The following CTNNA2 variants were observed in gnomAD, a reference collection of about 807,000 sequenced individuals.
CTNNA2 encodes the protein catenin alpha 2.
In CTNNA2, 42 loss-of-function variants were observed where a neutral mutation model predicts 101.0. That is an observed-to-expected ratio of 0.42 (90% CI 0.32 to 0.54). CTNNA2 has a LOEUF of 0.54. CTNNA2 is among the 20% of genes least tolerant of loss of function. CTNNA2 has a pLI of 0.14. For synonymous variants in CTNNA2, 450 were observed against 456.4 expected (o/e 0.99, Z 0.18); for missense variants, 871 against 1,223.1 (o/e 0.71, Z 4.29).
chr2:79,519,814 A>G (rs2103866423), intron 1 of CTNNA2, among the ~76,000 whole-genome samples: 1 of 152,058 alleles, frequency 6.6e-6, no homozygotes, highest in South Asian at 2.1e-4. Flanking sequence ...CCTCTCTTTC[A>G]TTTTGAAACT....
rs1180386298 is a variant in CTNNA2, at chr2:79,841,241, TAAACTC to T, written c.299-16769_299-16764del. 2.0e-5 allele frequency among the ~76,000 whole-genome samples: 3 copies of T among 152,308 alleles called. No homozygotes were observed. In the South Asian group the frequency reaches 6.2e-4, roughly 32 times the overall value. On this transcript the variant is annotated intron_variant, in intron 3 of 18. Transcript: ENST00000402739. Reference sequence around the variant, plus strand: ...AGAAAACAGTATCAGAACTGGGACTTAAACTCAAGAAATCTGAGTCCTACTTTTTTA... The same window carrying T: ...AGAAAACAGTATCAGAACTGGGACTTAAGAAATCTGAGTCCTACTTTTTTA...
intron 1 of CTNNA2, among the ~76,000 whole-genome samples, chr2:79,544,756 G>A (rs1478267477): frequency 1.3e-5 from 2 of 152,128 alleles, no homozygotes; most frequent in African/African-American, 4.8e-5. Context: ...TGCTTAGCAG[G>A]TATTTAGAGC....
At chr2:79,634,461 C>A (rs1044045880) in intron 1 of CTNNA2, 1 of 152,144 alleles carries the variant, frequency 6.6e-6, no homozygotes, top group Non-Finnish European at 1.5e-5. Context: ...GGTTCAATTT[C>A]GAAGGGGCTG....
intron 2 of CTNNA2, among the ~76,000 whole-genome samples, chr2:79,279,574 A>T (rs1001528838): frequency 6.6e-6 from 1 of 152,158 alleles, no homozygotes; most frequent in Non-Finnish European, 1.5e-5. Flanking sequence ...TGACACTAGG[A>T]AAAAGATCTT....
At chr2:79,299,678 G>A (rs2104389233) in intron 2 of CTNNA2, among the ~76,000 whole-genome samples, 1 of 152,138 alleles carries the variant, frequency 6.6e-6, no homozygotes, top group Non-Finnish European at 1.5e-5. Context: ...CACAGCAATA[G>A]GTATACAAGG....
At chr2:79,323,840 C>G (rs763640659) in intron 3 of CTNNA2, among the ~76,000 whole-genome samples, 13 of 152,114 alleles carry the variant, frequency 8.5e-5, no homozygotes, top group Non-Finnish European at 1.6e-4. Context: ...GTTTTCTTTT[C>G]TTCTTCTTAC....
intron 2 of CTNNA2, among the ~76,000 whole-genome samples, chr2:79,257,814 A>C (rs1326212389): frequency 1.3e-5 from 2 of 148,212 alleles, no homozygotes; most frequent in African/African-American, 4.9e-5. Context: ...AAAAAAAAAA[A>C]AGAAGAAGAA....
intron 7 of CTNNA2, among the ~76,000 whole-genome samples, chr2:80,391,469 C>G (rs1482191234): frequency 6.6e-6 from 1 of 152,174 alleles, no homozygotes; most frequent in East Asian, 1.9e-4. Context: ...TTCAACTAAA[C>G]TCATAACTTT....
chr2:80,293,857 G>T (rs956967701), intron 7 of CTNNA2, among the ~76,000 whole-genome samples: 14 of 152,166 alleles, frequency 9.2e-5, no homozygotes, highest in Admixed American at 9.2e-4. Flanking sequence ...TGTCTCTTGG[G>T]TGTCGTGGAG....
At chr2:80,401,034 A>G (rs1678501839) in intron 8 of CTNNA2, among the ~76,000 whole-genome samples, 1 of 152,364 alleles carries the variant, frequency 6.6e-6, no homozygotes, top group African/African-American at 2.4e-5. Context: ...GGCTTAGCTT[A>G]AATGTCACCT....
intron 7 of CTNNA2, among the ~76,000 whole-genome samples, chr2:79,961,943 C>G (rs1309210734): frequency 6.6e-6 from 1 of 151,988 alleles, no homozygotes; most frequent in East Asian, 1.9e-4. Flanking sequence ...AGATAAGTGA[C>G]CTGAAGTCTC....
intron 3 of CTNNA2, among the ~76,000 whole-genome samples, chr2:79,750,195 GT>G (rs1359696594): frequency 6.6e-6 from 1 of 152,144 alleles, no homozygotes; most frequent in African/African-American, 2.4e-5. Context: ...ATTCCAGAAC[GT>G]TTTCAGTGTT....
intron 7 of CTNNA2, among the ~76,000 whole-genome samples, chr2:80,004,973 G>T (rs1487849078): frequency 6.6e-6 from 1 of 152,200 alleles, no homozygotes; most frequent in African/African-American, 2.4e-5. Context: ...TGGGATTACA[G>T]GTGGGAGCCA....
At chr2:79,365,217 C>T (rs1573124073) in intron 3 of CTNNA2, among the ~76,000 whole-genome samples, 1 of 151,794 alleles carries the variant, frequency 6.6e-6, no homozygotes, top group East Asian at 1.9e-4. Flanking sequence ...GCAGAGGTTG[C>T]AGTGAGTCGA....
intron 1 of CTNNA2, among the ~76,000 whole-genome samples, chr2:79,566,966 C>T (rs1005097043): frequency 1.3e-5 from 2 of 152,016 alleles, no homozygotes; most frequent in Non-Finnish European, 2.9e-5. Context: ...AAATGTTCAA[C>T]GTTGACAAGA....
chr2:79,486,540 G>T (rs140742409), intron 4 of CTNNA2, among the ~76,000 whole-genome samples: 4,312 of 152,118 alleles, frequency 0.028, 104 homozygotes, highest in Non-Finnish European at 0.043. Context: ...AACATACGTG[G>T]GCATGTGTCT....
intron 9 of CTNNA2, among the ~76,000 whole-genome samples, chr2:80,446,626 G>T (rs115038048): frequency 0.013 from 2,017 of 152,198 alleles, 37 homozygotes; most frequent in East Asian, 0.09. Context: ...ATCATGTAAG[G>T]CTTTTTTAAA....
chr2:80,332,866 C>G (rs1671455981), intron 7 of CTNNA2, among the ~76,000 whole-genome samples: 1 of 152,158 alleles, frequency 6.6e-6, no homozygotes, highest in African/African-American at 2.4e-5. Context: ...CCAAATTCAG[C>G]TGCTGCCTGT....
At chr2:79,860,403 C>A (rs572919744) in intron 4 of CTNNA2, among the ~76,000 whole-genome samples, 14 of 152,230 alleles carry the variant, frequency 9.2e-5, no homozygotes, top group Admixed American at 2.0e-4. Context: ...GGCGATGACG[C>A]CATGTGTGGT....
Sources: allele counts gnomAD v4.1 joint callset (sites outside exome capture counted in the v4.1 genomes callset), GRCh38; gene constraint gnomAD v4.1.1; transcripts MANE v1.5; gene names NCBI Gene and HGNC (gene_info 2026-07-23, HGNC 2026-07-21).